POSTN: variants seen among roughly 807,000 people sequenced by gnomAD.
The protein encoded by POSTN is periostin, also known as osteoblast specific factor 2 (fasciclin I-like).
POSTN carries 71 observed loss-of-function variants against 104.5 expected under a neutral mutation model. That is an observed-to-expected ratio of 0.68 (90% confidence interval 0.56 to 0.83). The LOEUF is 0.83. POSTN is among the 40% of genes least tolerant of loss of function. POSTN has a pLI of 0.00. For missense variants in POSTN, 949 were observed against 1,006.8 expected (o/e 0.94, Z 0.78); for synonymous variants, 355 against 340.7 (o/e 1.04, Z -0.46).
At chr13:37,563,438 T>C in intron 22 of POSTN, 68 bp from the exon 23 acceptor site, 4 of 1,021,042 alleles carry the variant, frequency 3.9e-6, no homozygotes, top group Non-Finnish European at 5.6e-6. Flanking sequence ...AAGAATATAT[T>C]ATTCTCTGTA....
Position 37,562,860 on chromosome 13 carries a change from A to G in POSTN, c.*473T>C, listed in dbSNP as rs1433111019. Reference sequence around the variant, plus strand: ...AAACCCACTCATATAGAAATGTGCAAAGCCTTTTGATATAAAAAGTTTTGT... The same window carrying G: ...AAACCCACTCATATAGAAATGTGCAGAGCCTTTTGATATAAAAAGTTTTGT... On this transcript the variant is annotated 3_prime_UTR_variant, in exon 23 of 23. Coordinates refer to ENST00000379747, the MANE Select transcript of POSTN (RefSeq NM_006475.3). 1 of 152,340 alleles carries G rather than the reference A, an allele frequency of 6.6e-6. No homozygotes were observed. Among genetic ancestry groups the G allele is most frequent in the East Asian group, 1.9e-4 (1 of 5,200 alleles). The allele number at this position is 152,340 out of a possible 1,614,324, so 9.4% of individuals were successfully genotyped here. A position where few individuals can be genotyped will look rare whatever the true frequency, so the allele number is the denominator to read the frequency against.
intron 2 of POSTN, among the ~76,000 whole-genome samples, chr13:37,596,935 C>T (rs1407318141): frequency 2.6e-5 from 4 of 152,150 alleles, no homozygotes; most frequent in African/African-American, 4.8e-5. Flanking sequence ...CAATCCTGAG[C>T]CATGTGATCT....
chr13:37,586,705 A>AT, intron 6 of POSTN, 77 bp downstream of exon 6: 1 of 1,431,862 alleles, frequency 7.0e-7, no homozygotes, highest in East Asian at 2.4e-5. Context: ...ATTTAATAGC[A>AT]TTTTTATTGT....
intron 4 of POSTN, 122 bp downstream of exon 4, chr13:37,590,250 A>G (rs1950888272): frequency 1.5e-6 from 1 of 684,270 alleles, no homozygotes; most frequent in Non-Finnish European, 2.3e-6. Flanking sequence ...CCCTTTAGGT[A>G]TTCTCATATA....
At chr13:37,572,286 T>TA (rs1262376187) in intron 17 of POSTN, among the ~76,000 whole-genome samples, 3 of 151,562 alleles carry the variant, frequency 2.0e-5, no homozygotes, top group African/African-American at 7.3e-5. Flanking sequence ...TGAGAGCATT[T>TA]TTTTTTGCTT....
In POSTN at chr13:37,586,753, G is replaced by A. The variant is rs761794912; in HGVS notation, c.753+29C>T. On this transcript the variant is annotated intron_variant, in intron 6 of 22. Coordinates refer to ENST00000379747, the MANE Select transcript of POSTN (RefSeq NM_006475.3). Reference sequence around the variant, plus strand: ...ACAGGAGAAGAAGAGGGATTTCAATGACTCAAGACAATCTGCTCTTGGACT... The same window carrying A: ...ACAGGAGAAGAAGAGGGATTTCAATAACTCAAGACAATCTGCTCTTGGACT... The A allele has an allele frequency of 2.6e-6, 4 of 1,567,680 alleles. No homozygotes were observed. The East Asian group carries it at 9.2e-5, about 36-fold the overall frequency.
chr13:37,586,160 CCAT>C lies in POSTN; in HGVS notation c.871_873del (p.Met291del), dbSNP rs1950738119. ...CTACCTTCGGAAGCCACTTTGTCTC[CCAT>C]GATCCTTTCTAGGACACCTCGTGGA... On this transcript the variant is annotated inframe_deletion, in exon 7 of 23. Transcript: ENST00000379747. The C allele has an allele frequency of 6.2e-7, 1 of 1,612,476 alleles. No homozygotes were observed. The highest frequency in any genetic ancestry group is 8.5e-7 in the Non-Finnish European group (1 of 1,179,064).
At position 37,570,653 on chromosome 13, in the gene POSTN, T is replaced by G; in HGVS notation, c.2196A>C (p.Lys732Asn). The G allele has an allele frequency of 6.2e-7, 1 of 1,605,258 alleles. No individual in the cohort carries two copies. The highest frequency in any genetic ancestry group is 8.5e-7 in the Non-Finnish European group (1 of 1,172,480). Residue 732 changes from lysine (K) to asparagine (N), a missense_variant, in exon 19 of 23, where the codon AAA (lysine) becomes AAC (asparagine). Coordinates refer to ENST00000379747, the MANE Select transcript of POSTN (RefSeq NM_006475.3). ...GCACTCCATCAATGATTTTGGTGTA[T>G]TTTTTAATAATTGGCTCTAAAAGCA... ...EVIHGEPIIK[K>N]YTKIIDGVPV...
At chr13:37,596,198 G>A (rs2138413085) in intron 2 of POSTN, among the ~76,000 whole-genome samples, 1 of 152,260 alleles carries the variant, frequency 6.6e-6, no homozygotes, top group East Asian at 1.9e-4. Context: ...TAATGCTGAT[G>A]TATTAAGCAG....
At chr13:37,588,610 C>A (rs986165685) in intron 4 of POSTN, among the ~76,000 whole-genome samples, 1 of 152,028 alleles carries the variant, frequency 6.6e-6, no homozygotes, top group African/African-American at 2.4e-5. Context: ...AACAGCTATT[C>A]GGAAGTAGTT....
In POSTN at chr13:37,587,047, A is replaced by C. The variant is rs532794886; in HGVS notation, c.607-119T>G. Reference sequence around the variant, plus strand: ...GTAAATGTAACATACAGGAAACTACATTGTAAATGTAAACGCTGTGGATGA... The same window carrying C: ...GTAAATGTAACATACAGGAAACTACCTTGTAAATGTAAACGCTGTGGATGA... On this transcript the variant is annotated intron_variant, in intron 5 of 22. Transcript: ENST00000379747. The C allele has an allele frequency of 9.8e-6, 8 of 816,740 alleles. No individual in the cohort carries two copies. In the Admixed American group the frequency reaches 1.2e-4, roughly 12 times the overall value. The allele number at this position is 816,740 out of a possible 1,614,324, so 50.6% of individuals were successfully genotyped here.
Position 37,576,176 on chromosome 13 carries a change from A to G in POSTN, c.2009-1524T>C, listed in dbSNP as rs143458557. On this transcript the variant is annotated intron_variant, in intron 16 of 22. Transcript: ENST00000379747. ...AAACAGCATCCTTCCCCTCAACTATACACTTTAAAATGGATGTTATTTTGG... is the reference window on the plus strand; with the variant it reads ...AAACAGCATCCTTCCCCTCAACTATGCACTTTAAAATGGATGTTATTTTGG... Among the ~76,000 whole-genome samples the G allele has an allele frequency of 9.2e-5, 14 of 152,248 alleles. No homozygotes were observed. In the East Asian group the frequency reaches 2.5e-3, roughly 27 times the overall value.
chr13:37,570,375 CT>C (rs1950228748), intron 19 of POSTN, among the ~76,000 whole-genome samples: 1 of 151,678 alleles, frequency 6.6e-6, no homozygotes, highest in South Asian at 2.1e-4. Flanking sequence ...AAAACAAATG[CT>C]TTTAGATTTG....
chr13:37,579,719 G>T, intron 12 of POSTN, 142 bp downstream of exon 12: 1 of 941,908 alleles, frequency 1.1e-6, no homozygotes. Flanking sequence ...CATCCCAAGT[G>T]GACGAAATAA....
chr13:37,588,398 C>A (rs1161797250), intron 4 of POSTN, among the ~76,000 whole-genome samples: 1 of 152,138 alleles, frequency 6.6e-6, no homozygotes, highest in Admixed American at 6.6e-5. Flanking sequence ...TATTCCATAA[C>A]AAATTCAAGA....
chr13:37,594,541 A>G (rs1951031790), intron 2 of POSTN, among the ~76,000 whole-genome samples: 1 of 152,058 alleles, frequency 6.6e-6, no homozygotes. Flanking sequence ...AAATATTGCT[A>G]TACATAGCTC....
At chr13:37,586,731 G>T (rs775374004) in intron 6 of POSTN, 51 bp downstream of exon 6, 30 of 1,515,546 alleles carry the variant, frequency 2.0e-5, no homozygotes, top group Non-Finnish European at 7.2e-6. Context: ...GATTTTGACA[G>T]GAGAAGAAGA....
At chr13:37,572,332 G>A (rs567779155) in intron 17 of POSTN, among the ~76,000 whole-genome samples, 1 of 147,658 alleles carries the variant, frequency 6.8e-6, no homozygotes, top group South Asian at 2.1e-4. Context: ...TTACCAAAAC[G>A]AAACCAGCCT....
chr13:37,585,259 T>C (rs1257474489), intron 7 of POSTN, among the ~76,000 whole-genome samples: 1 of 152,150 alleles, frequency 6.6e-6, no homozygotes, highest in Admixed American at 6.5e-5. Flanking sequence ...CAGAGGAACT[T>C]TGACTGGCAC....
Sources: allele counts gnomAD v4.1 joint callset (sites outside exome capture counted in the v4.1 genomes callset), GRCh38; gene constraint gnomAD v4.1.1; transcripts MANE v1.5; gene names NCBI Gene and HGNC (gene_info 2026-07-23, HGNC 2026-07-21).